GRM1: variants seen among roughly 807,000 people sequenced by gnomAD.
GRM1 encodes glutamate metabotropic receptor 1, also known as metabotropic glutamate receptor 1.
In GRM1, 33 loss-of-function variants were observed where a neutral mutation model predicts 90.9. The ratio of observed to expected loss-of-function variants is 0.36; its 90% confidence interval spans 0.28 to 0.49. The LOEUF (loss-of-function observed/expected upper bound fraction) is 0.49. GRM1 is among the 20% of genes least tolerant of loss of function. The probability of loss-of-function intolerance (pLI) is 0.99; values close to 1 mark genes in which losing one functional copy is unlikely to be tolerated. For synonymous variants in GRM1, 700 were observed against 613.2 expected (o/e 1.14, Z -2.09); for missense variants, 1,190 against 1,534.3 (o/e 0.78, Z 3.75).
intron 1 of GRM1, among the ~76,000 whole-genome samples, chr6:146,134,123 C>T (rs377585024): frequency 2.6e-5 from 4 of 152,322 alleles, no homozygotes; most frequent in African/African-American, 9.6e-5. Flanking sequence ...TAGATGCCTA[C>T]TCATATGTCT....
intron 2 of GRM1, among the ~76,000 whole-genome samples, chr6:146,232,813 C>G (rs1562545160): frequency 6.6e-6 from 1 of 152,034 alleles, no homozygotes; most frequent in Non-Finnish European, 1.5e-5. Context: ...GGGGTTGGGA[C>G]TCCAACATAT....
chr6:146,126,414 T>G (rs1165570271), intron 1 of GRM1, among the ~76,000 whole-genome samples: 2 of 152,162 alleles, frequency 1.3e-5, no homozygotes, highest in African/African-American at 4.8e-5. Flanking sequence ...TGTATACAAG[T>G]ATACACATAT....
At chr6:146,343,681 T>C (rs1337104704) in intron 3 of GRM1, among the ~76,000 whole-genome samples, 1 of 151,206 alleles carries the variant, frequency 6.6e-6, no homozygotes, top group Admixed American at 6.6e-5. Flanking sequence ...TTATTATTAT[T>C]ATTGAGATGG....
intron 2 of GRM1, among the ~76,000 whole-genome samples, chr6:146,203,157 T>A (rs534822466): frequency 6.6e-6 from 1 of 151,506 alleles, no homozygotes; most frequent in Non-Finnish European, 1.5e-5. Flanking sequence ...TAGCGCCACA[T>A]CACTCCAGCC....
chr6:146,331,698 G>A (rs1784593410), intron 3 of GRM1, among the ~76,000 whole-genome samples: 1 of 152,110 alleles, frequency 6.6e-6, no homozygotes, highest in Non-Finnish European at 1.5e-5. Flanking sequence ...GAGAGCTTTT[G>A]TGTCTTCTTC....
At chr6:146,164,694 G>A (rs1777848047) in intron 2 of GRM1, among the ~76,000 whole-genome samples, 1 of 151,988 alleles carries the variant, frequency 6.6e-6, no homozygotes, top group Non-Finnish European at 1.5e-5. Flanking sequence ...GTCCCTTGGC[G>A]GTACCTTAGC....
chr6:146,214,491 G>T (rs113341596), intron 2 of GRM1, among the ~76,000 whole-genome samples: 30 of 152,266 alleles, frequency 2.0e-4, no homozygotes, highest in African/African-American at 6.7e-4. Flanking sequence ...ATTGGAAAAT[G>T]AGTATTTTAG....
At chr6:146,045,450 A>T (rs1365683435) in intron 1 of GRM1, among the ~76,000 whole-genome samples, 1 of 151,968 alleles carries the variant, frequency 6.6e-6, no homozygotes, top group Admixed American at 6.6e-5. Context: ...TTCAGCAATT[A>T]AAGTAGGGAT....
chr6:146,044,943 G>T (rs555066383), intron 1 of GRM1, among the ~76,000 whole-genome samples: 219 of 152,004 alleles, frequency 1.4e-3, no homozygotes, highest in African/African-American at 4.7e-3. Flanking sequence ...TTCAATTACA[G>T]ATTCTGACTT....
chr6:146,255,041 T>C (rs1294526266), intron 2 of GRM1, among the ~76,000 whole-genome samples: 1 of 152,198 alleles, frequency 6.6e-6, no homozygotes, highest in Non-Finnish European at 1.5e-5. Flanking sequence ...AAATGAAGAA[T>C]GTGAGATAAC....
intron 1 of GRM1, among the ~76,000 whole-genome samples, chr6:146,034,328 C>T (rs986998785): frequency 6.6e-6 from 1 of 151,410 alleles, no homozygotes; most frequent in Non-Finnish European, 1.5e-5. Flanking sequence ...TGTAGTGTAG[C>T]TCTCCAGTTC....
At chr6:146,380,756 G>A (rs1272339732) in intron 5 of GRM1, among the ~76,000 whole-genome samples, 2 of 152,084 alleles carry the variant, frequency 1.3e-5, no homozygotes, top group Non-Finnish European at 2.9e-5. Context: ...AGTCTCAGAG[G>A]CTCGCTCAAG....
intron 1 of GRM1, among the ~76,000 whole-genome samples, chr6:146,064,652 A>T (rs1376456953): frequency 6.6e-6 from 1 of 151,254 alleles, no homozygotes; most frequent in Non-Finnish European, 1.5e-5. Flanking sequence ...AAGGGGTCAG[A>T]TTTGTTCTTT....
rs1276567028 is a variant in GRM1, at chr6:146,437,004, C to A, written c.*2208C>A. On this transcript the variant is annotated 3_prime_UTR_variant, in exon 8 of 8. Coordinates refer to ENST00000282753, the MANE Select transcript of GRM1 (RefSeq NM_001278064.2). ...TCCTTTAAAAATTATTTTAAAACAC[C>A]TTTATTGAAAAGATCTCATGACTGA... 1 of 152,304 alleles carries A rather than the reference C, an allele frequency of 6.6e-6. No individual in the cohort carries two copies. Among genetic ancestry groups the A allele is most frequent in the Non-Finnish European group, 1.5e-5 (1 of 67,992 alleles). The allele number at this position is 152,304 out of a possible 1,614,324, so 9.4% of individuals were successfully genotyped here.
At chr6:146,368,357 C>T (rs919816148) in intron 5 of GRM1, among the ~76,000 whole-genome samples, 2 of 151,714 alleles carry the variant, frequency 1.3e-5, no homozygotes, top group African/African-American at 2.4e-5. Flanking sequence ...TTTGGATGCC[C>T]TTTATTACTT....
chr6:146,220,857 C>G (rs1021628343), intron 2 of GRM1, among the ~76,000 whole-genome samples: 4 of 151,852 alleles, frequency 2.6e-5, no homozygotes, highest in Non-Finnish European at 5.9e-5. Flanking sequence ...CCTCAAGTAT[C>G]AGAAATGCAT....
At chr6:146,029,017 G>A (rs1268882295), upstream of GRM1, among the ~76,000 whole-genome samples, 1 of 152,234 alleles carries the variant, frequency 6.6e-6, no homozygotes, top group East Asian at 1.9e-4. Flanking sequence ...TGAGGACAGA[G>A]GGGGCAGGAC....
At chr6:146,349,651 CT>C (rs1785323427) in intron 3 of GRM1, among the ~76,000 whole-genome samples, 1 of 151,902 alleles carries the variant, frequency 6.6e-6, no homozygotes, top group East Asian at 1.9e-4. Flanking sequence ...TTTCTATAGC[CT>C]TTTACAAGAA....
intron 1 of GRM1, among the ~76,000 whole-genome samples, chr6:146,107,412 AGACACT>A (rs1173412112): frequency 6.6e-6 from 1 of 151,520 alleles, no homozygotes; most frequent in East Asian, 1.9e-4. Context: ...CAACGCTTTC[AGACACT>A]GAAAAACAGC....
Sources: allele counts gnomAD v4.1 joint callset (sites outside exome capture counted in the v4.1 genomes callset), GRCh38; gene constraint gnomAD v4.1.1; transcripts MANE v1.5; gene names NCBI Gene and HGNC (gene_info 2026-07-23, HGNC 2026-07-21).